EFHD1: variants seen among roughly 807,000 people sequenced by gnomAD.
EFHD1 encodes EF-hand domain family member D1, also known as EF-hand domain-containing protein D1.
In EFHD1, 10 loss-of-function variants were observed where a neutral mutation model predicts 17.2. That is an observed-to-expected ratio of 0.58 (90% CI 0.36 to 0.99). The LOEUF (loss-of-function observed/expected upper bound fraction) is 0.99, where lower values mean the gene tolerates loss of function less well. EFHD1 is among the 50% of genes least tolerant of loss of function. The pLI is 0.01. For synonymous variants in EFHD1, 153 were observed against 142.0 expected (o/e 1.08, Z -0.55); for missense variants, 310 against 327.5 (o/e 0.95, Z 0.41).
intron 1 of EFHD1, among the ~76,000 whole-genome samples, chr2:232,662,532 G>A (rs879631039): frequency 6.6e-6 from 1 of 152,106 alleles, no homozygotes; most frequent in African/African-American, 2.4e-5. Context: ...GGTAAACAAA[G>A]CATGTTTCTC....
intron 1 of EFHD1, chr2:232,606,720 A>G (rs1345904312): frequency 1.6e-5 from 1 of 61,542 alleles, no homozygotes; most frequent in Non-Finnish European, 2.9e-5. Context: ...CGTCTCTACT[A>G]AAAAAAAAAA....
At chr2:232,631,699 AAAAAAAAC>A (rs1339832381), upstream of EFHD1, among the ~76,000 whole-genome samples, 14 of 140,408 alleles carry the variant, frequency 1.0e-4, no homozygotes, top group African/African-American at 4.0e-4. Context: ...ATTAAAAAAA[AAAAAAAAC>A]AAAAACAAAA....
At chr2:232,667,613 T>C (rs1173797828) in intron 2 of EFHD1, among the ~76,000 whole-genome samples, 1 of 152,082 alleles carries the variant, frequency 6.6e-6, no homozygotes, top group African/African-American at 2.4e-5. Context: ...AGTGCAATGG[T>C]GCAATCTCAC....
chr2:232,660,257 C>G (rs554296669), intron 1 of EFHD1, among the ~76,000 whole-genome samples: 13 of 151,554 alleles, frequency 8.6e-5, no homozygotes, highest in Non-Finnish European at 1.9e-4. Flanking sequence ...TGCAGTGGCA[C>G]GACCTCGGCT....
intron 3 of EFHD1, among the ~76,000 whole-genome samples, chr2:232,680,128 C>T (rs2106222263): frequency 6.6e-6 from 1 of 152,024 alleles, no homozygotes; most frequent in African/African-American, 2.4e-5. Flanking sequence ...CAAAAATTAG[C>T]CAGACGTGTG....
At chr2:232,641,874 C>G (rs1694438547) in intron 1 of EFHD1, among the ~76,000 whole-genome samples, 1 of 152,194 alleles carries the variant, frequency 6.6e-6, no homozygotes, top group Non-Finnish European at 1.5e-5. Flanking sequence ...CATAGTGAGG[C>G]CTGAGTTCCA....
intron 2 of EFHD1, among the ~76,000 whole-genome samples, chr2:232,667,628 C>G (rs2106214284): frequency 6.6e-6 from 1 of 152,214 alleles, no homozygotes; most frequent in South Asian, 2.1e-4. Context: ...TCTCACCTCA[C>G]TGCAACCTCC....
upstream of EFHD1, among the ~76,000 whole-genome samples, chr2:232,630,797 A>AG (rs1553596828): frequency 2.1e-3 from 288 of 138,068 alleles, 1 homozygote; most frequent in African/African-American, 5.0e-3. Flanking sequence ...AAAAAAAAAA[A>AG]AAAGAAAGAA....
intron 1 of EFHD1, among the ~76,000 whole-genome samples, chr2:232,659,964 C>A (rs1694827280): frequency 1.3e-5 from 2 of 152,026 alleles, no homozygotes; most frequent in South Asian, 4.1e-4. Context: ...TGCAAGAACT[C>A]ACTCACTATC....
chr2:232,618,114 G>T (rs1418628590), intron 1 of EFHD1, among the ~76,000 whole-genome samples: 2 of 151,616 alleles, frequency 1.3e-5, no homozygotes, highest in Admixed American at 6.6e-5. Flanking sequence ...CTGCCTTCTG[G>T]GTTCAAGTGA....
chr2:232,630,868 AAG>A (rs1256026308), upstream of EFHD1, among the ~76,000 whole-genome samples: 1 of 152,206 alleles, frequency 6.6e-6, no homozygotes, highest in Non-Finnish European at 1.5e-5. Flanking sequence ...CATAAATAAA[AAG>A]AGCTGTTAGA....
chr2:232,644,547 C>G (rs1206933553), intron 1 of EFHD1, among the ~76,000 whole-genome samples: 3 of 151,698 alleles, frequency 2.0e-5, no homozygotes, highest in Non-Finnish European at 4.4e-5. Flanking sequence ...GAGTCTCACT[C>G]TGTCGCCCAG....
At chr2:232,656,085 C>T (rs1460261116) in intron 1 of EFHD1, among the ~76,000 whole-genome samples, 19 of 152,122 alleles carry the variant, frequency 1.2e-4, no homozygotes, top group African/African-American at 4.3e-4. Flanking sequence ...GGATTACAGG[C>T]GTGAGCCACC....
chr2:232,618,648 A>G (rs973396552), intron 1 of EFHD1, among the ~76,000 whole-genome samples: 2 of 150,930 alleles, frequency 1.3e-5, no homozygotes, highest in African/African-American at 4.9e-5. Flanking sequence ...GCTTGAGCCT[A>G]GGAGGTAGAG....
At chr2:232,673,023 T>C (rs1695107588) in intron 3 of EFHD1, among the ~76,000 whole-genome samples, 1 of 152,210 alleles carries the variant, frequency 6.6e-6, no homozygotes, top group Admixed American at 6.5e-5. Context: ...ACTGGCACCA[T>C]GTGTCCAATA....
chr2:232,654,227 A>T (rs1694712627), intron 1 of EFHD1, among the ~76,000 whole-genome samples: 1 of 145,798 alleles, frequency 6.9e-6, no homozygotes, highest in African/African-American at 2.4e-5. Flanking sequence ...AAAAAAGAAA[A>T]GAAAGAAGTT....
intron 3 of EFHD1, among the ~76,000 whole-genome samples, chr2:232,674,685 C>T (rs915212155): frequency 6.6e-6 from 1 of 152,018 alleles, no homozygotes; most frequent in African/African-American, 2.4e-5. Flanking sequence ...TAATGGCCCT[C>T]AATAAACATT....
rs1053185315 is a variant in EFHD1, at chr2:232,636,670, A to C, written c.302+2664A>C. The stretch of plus-strand genomic sequence containing the variant: ...GAAACCCCGTCTCTACTAAAAATAC[A>C]AAAATTAGCCAGGCATGGTGCCACA... On this transcript the variant is annotated intron_variant, in intron 1 of 3. Coordinates refer to ENST00000264059, the MANE Select transcript of EFHD1 (RefSeq NM_025202.4). Among the ~76,000 whole-genome samples the C allele has an allele frequency of 2.6e-5, 4 of 152,182 alleles. No individual in the cohort carries two copies. In the East Asian group the frequency reaches 7.7e-4, roughly 29 times the overall value.
chr2:232,644,081 C>T (rs1430859589), intron 1 of EFHD1, among the ~76,000 whole-genome samples: 2 of 152,106 alleles, frequency 1.3e-5, no homozygotes, highest in East Asian at 1.9e-4. Context: ...CTGTGTCGAC[C>T]GCTCCCAGGC....
Sources: allele counts gnomAD v4.1 joint callset (sites outside exome capture counted in the v4.1 genomes callset), GRCh38; gene constraint gnomAD v4.1.1; transcripts MANE v1.5; gene names NCBI Gene and HGNC (gene_info 2026-07-23, HGNC 2026-07-21).